FSD1L: variants seen among roughly 807,000 people sequenced by gnomAD.
FSD1L encodes the protein fibronectin type III and SPRY domain containing 1 like.
Under a neutral mutation model 71.6 loss-of-function variants are expected in FSD1L, and 45 were observed. The ratio of observed to expected loss-of-function variants is 0.63; its 90% CI spans 0.49 to 0.81. The LOEUF is 0.81. Among genes scored for constraint, FSD1L ranks in the 30% least tolerant of loss-of-function variants. FSD1L has a pLI of 0.00. For synonymous variants in FSD1L, 197 were observed against 207.2 expected (o/e 0.95, Z 0.42); for missense variants, 561 against 618.1 (o/e 0.91, Z 0.98).
chr9:105,487,076 T>C (rs1051125622), intron 7 of FSD1L, among the ~76,000 whole-genome samples: 3 of 152,150 alleles, frequency 2.0e-5, no homozygotes, highest in Admixed American at 1.3e-4. Flanking sequence ...TACATATACA[T>C]TGTTATATAA....
At chr9:105,520,450 G>A (rs1006443173) in intron 10 of FSD1L, 8 of 1,053,784 alleles carry the variant, frequency 7.6e-6, no homozygotes, top group Middle Eastern at 2.8e-4. Context: ...TGTGACTATC[G>A]AAGCTAGTCT....
chr9:105,520,031 C>G, intron 10 of FSD1L: 1 of 1,468,448 alleles, frequency 6.8e-7, no homozygotes, highest in Admixed American at 2.5e-5. Flanking sequence ...GCTAATGAGC[C>G]TCTCTGGCTA....
At chr9:105,531,706 A>G (rs982640244) in intron 10 of FSD1L, among the ~76,000 whole-genome samples, 4 of 147,586 alleles carry the variant, frequency 2.7e-5, no homozygotes. Context: ...GAATTGGGTA[A>G]TATTTGGTGA....
chr9:105,477,110 C>A (rs1452077002), intron 5 of FSD1L, among the ~76,000 whole-genome samples: 1 of 152,086 alleles, frequency 6.6e-6, no homozygotes, highest in East Asian at 1.9e-4. Context: ...TGCATATGTG[C>A]ACACACACAC....
At chr9:105,445,940 A>G (rs1829632628), upstream of FSD1L, among the ~76,000 whole-genome samples, 1 of 152,182 alleles carries the variant, frequency 6.6e-6, no homozygotes, top group Non-Finnish European at 1.5e-5. Context: ...CTGGCTCTCT[A>G]AGCACTACCC....
At chr9:105,499,566 C>G (rs1470318814) in intron 7 of FSD1L, among the ~76,000 whole-genome samples, 1 of 151,816 alleles carries the variant, frequency 6.6e-6, no homozygotes, top group Non-Finnish European at 1.5e-5. Flanking sequence ...AGGTCCCCTC[C>G]TCCGCCCCCA....
chr9:105,532,469 A>G lies in FSD1L; in HGVS notation c.1026-2024A>G, dbSNP rs573799960. The stretch of plus-strand genomic sequence containing the variant: ...TCAAACCTTGAAGAAGTGAAAACAT[A>G]TATTTTTGGTATTCAGAATAAAAAG... On this transcript the variant is annotated intron_variant, in intron 10 of 13. Transcript: ENST00000481272. Among the ~76,000 whole-genome samples the G allele has an allele frequency of 9.8e-5, 15 of 152,366 alleles. No individual in the cohort carries two copies. The East Asian group carries it at 2.7e-3, about 27-fold the overall frequency.
intron 1 of FSD1L, among the ~76,000 whole-genome samples, chr9:105,451,351 TAGAA>T (rs1385982953): frequency 3.9e-5 from 6 of 152,216 alleles, no homozygotes; most frequent in African/African-American, 1.4e-4. Context: ...TACATTCTAA[TAGAA>T]AGAGGTTTGG....
intron 4 of FSD1L, among the ~76,000 whole-genome samples, chr9:105,469,804 A>T (rs1831332507): frequency 1.4e-5 from 2 of 146,262 alleles, no homozygotes; most frequent in East Asian, 2.0e-4. Context: ...TAATTTGTCT[A>T]TTTTTGCTTT....
At chr9:105,494,201 T>G (rs2131304020) in intron 7 of FSD1L, among the ~76,000 whole-genome samples, 1 of 152,298 alleles carries the variant, frequency 6.6e-6, no homozygotes, top group East Asian at 1.9e-4. Context: ...TGTTCATTTC[T>G]TTTTATTCTT....
At chr9:105,474,973 A>G (rs1473206626) in intron 5 of FSD1L, among the ~76,000 whole-genome samples, 1 of 152,232 alleles carries the variant, frequency 6.6e-6, no homozygotes, top group African/African-American at 2.4e-5. Flanking sequence ...TAGTAAATTT[A>G]TGCAGACGGA....
chr9:105,455,286 ACT>A (rs1830292855), intron 1 of FSD1L, among the ~76,000 whole-genome samples: 1 of 151,296 alleles, frequency 6.6e-6, no homozygotes, highest in African/African-American at 2.4e-5. Context: ...CCACCACTGG[ACT>A]CTCTCCCTTG....
At chr9:105,505,129 T>C (rs1016179597) in intron 7 of FSD1L, among the ~76,000 whole-genome samples, 3 of 152,276 alleles carry the variant, frequency 2.0e-5, no homozygotes, top group Non-Finnish European at 4.4e-5. Flanking sequence ...TCTACCATTA[T>C]ATTACCATAT....
At chr9:105,546,271 G>A (rs1836998341) in intron 13 of FSD1L, 87 bp from the exon 14 acceptor site, 1 of 1,206,120 alleles carries the variant, frequency 8.3e-7, no homozygotes, top group Admixed American at 2.8e-5. Context: ...TCATATGTGT[G>A]GCATTTTGCC....
In FSD1L at chr9:105,530,677, C is replaced by A. The variant is rs1233458275; in HGVS notation, c.1026-3816C>A. On this transcript the variant is annotated intron_variant, in intron 10 of 13. Coordinates refer to ENST00000481272, the MANE Select transcript of FSD1L (RefSeq NM_001145313.3). ...AATGCATGTTTCCTCTCAGCAGACA[C>A]TCTGACCACCAGTTGGGGAGGCAAA... 5.1e-6 allele frequency: 3 copies of A among 590,744 alleles called. No individual in the cohort carries two copies. In the South Asian group the frequency reaches 6.2e-5, roughly 12 times the overall value. 36.6% of individuals were successfully genotyped at this position (590,744 alleles called of 1,614,324 possible).
intron 10 of FSD1L, chr9:105,520,904 C>G: frequency 6.2e-7 from 1 of 1,612,146 alleles, no homozygotes; most frequent in Non-Finnish European, 8.5e-7. Context: ...TTCTAAAATA[C>G]ATAGTCATTC....
chr9:105,508,123 C>T (rs931132686), intron 8 of FSD1L, among the ~76,000 whole-genome samples: 2 of 151,078 alleles, frequency 1.3e-5, no homozygotes, highest in African/African-American at 4.9e-5. Flanking sequence ...GTTGGCCTCC[C>T]AAAGTGCTGG....
chr9:105,513,752 A>G (rs1834536477), intron 10 of FSD1L: 1 of 676,908 alleles, frequency 1.5e-6, no homozygotes, highest in South Asian at 1.8e-5. Context: ...TTCATAAGCT[A>G]AAATACTGCT....
At chr9:105,518,749 G>A (rs1303899604) in intron 10 of FSD1L, among the ~76,000 whole-genome samples, 3 of 152,086 alleles carry the variant, frequency 2.0e-5, no homozygotes, top group African/African-American at 7.2e-5. Flanking sequence ...AAAATGAAAA[G>A]AACTAGAGAA....
Sources: gnomAD v4.1 joint callset for allele counts (sites outside exome capture counted in the v4.1 genomes callset) on GRCh38, gnomAD v4.1.1 for gene constraint, MANE v1.5 for transcripts, NCBI Gene and HGNC (gene_info 2026-07-23, HGNC 2026-07-21) for gene names.